TPR: variants seen among roughly 807,000 people sequenced by gnomAD.
TPR encodes the protein nucleoprotein TPR.
A neutral mutation model predicts 316.1 loss-of-function variants in TPR; 51 were observed. The observed-to-expected ratio is 0.16, with a 90% CI of 0.13 to 0.20. TPR has a LOEUF of 0.20. Among genes scored for constraint, TPR ranks in the 10% least tolerant of loss-of-function variants. The probability of loss-of-function intolerance (pLI) is 1.00; values close to 1 mark genes in which losing one functional copy is unlikely to be tolerated. For missense variants in TPR, 2,272 were observed against 2,754.8 expected (o/e 0.82, Z 3.92); for synonymous variants, 981 against 914.7 (o/e 1.07, Z -1.31).
Position 186,347,305 on chromosome 1 carries a change from T to C in TPR, c.2930A>G (p.Asn977Ser). ...AATTATACATACCTGTTTTTCCTTG[T>C]TCAGGGATTCTTCTAAACTAGTAAC... Reference protein sequence around the residue: ...AMVTSLEESLNKEKQVTEEVR... With the variant: ...AMVTSLEESLSKEKQVTEEVR... Residue 977 changes from asparagine to serine, a missense_variant, in exon 22 of 51, where the codon AAC becomes AGC. By Grantham distance (46) the Asn-to-Ser change is conservative. Around this residue, in one of 10 missense-constraint regions of TPR, gnomAD observed 757 missense variants for 859.8 expected, o/e 0.88. Transcript: ENST00000367478. 5.6e-6 allele frequency: 9 copies of C among 1,613,648 alleles called. No individual in the cohort carries two copies. Among genetic ancestry groups the C allele is most frequent in the Non-Finnish European group, 7.6e-6 (9 of 1,179,808 alleles).
At chr1:186,314,225 T>C (rs1029793365) in intron 50 of TPR, 199 bp from the exon 51 acceptor site, 2 of 505,530 alleles carry the variant, frequency 4.0e-6, no homozygotes, top group African/African-American at 1.9e-5. Flanking sequence ...AAAGTTATAT[T>C]GGAAAACATG....
chr1:186,332,873 AAT>A (rs1221818657), intron 37 of TPR, among the ~76,000 whole-genome samples: 1 of 152,136 alleles, frequency 6.6e-6, no homozygotes, highest in East Asian at 1.9e-4. Flanking sequence ...ACTGATTTAA[AAT>A]AGTCATATTC....
intron 15 of TPR, 44 bp downstream of exon 15, chr1:186,356,242 T>A (rs762951046): frequency 6.6e-7 from 1 of 1,509,732 alleles, no homozygotes; most frequent in East Asian, 2.5e-5. Context: ...TCCCTTAATA[T>A]ACATTTCTAA....
At chr1:186,326,343 T>C (rs567247476) in intron 40 of TPR, 108 bp from the exon 41 acceptor site, 10 of 1,490,720 alleles carry the variant, frequency 6.7e-6, no homozygotes, top group East Asian at 2.5e-5. Context: ...AATCAGAAGA[T>C]AGGAATTGTC....
Position 186,360,359 on chromosome 1 carries a change from T to C in TPR, c.1105A>G (p.Ile369Val), listed in dbSNP as rs1571633308. 1.2e-6 allele frequency: 2 copies of C among 1,613,172 alleles called. No individual in the cohort carries two copies. The highest frequency in any genetic ancestry group is 1.1e-5 in the South Asian group (1 of 91,016). Residue 369 changes from isoleucine to valine, a missense_variant, in exon 11 of 51, where the codon ATA becomes GTA. Physicochemically the swap from Ile to Val is conservative, Grantham distance 29. Coordinates refer to ENST00000367478, the MANE Select transcript of TPR (RefSeq NM_003292.3). ...LLSATKRKGA[I>V]LSEEELAAMS... ...GCGGCAAGCTCTTCTTCAGACAATA[T>C]GGCTCCTGTGCCAACAAATACACAT...
In TPR at chr1:186,373,272, G is replaced by A; in HGVS notation, c.256+87C>T. ...TGCTTAATCAATATTTTCATGTTTA[G>A]TAAGCAAATGTTTCCAAAGTATATA... On this transcript the variant is annotated intron_variant, in intron 2 of 50. Transcript: ENST00000367478. 6.3e-6 allele frequency: 5 copies of A among 797,814 alleles called. No individual in the cohort carries two copies. In the South Asian group the frequency reaches 1.2e-4, roughly 20 times the overall value. The allele number at this position is 797,814 out of a possible 1,614,324, so 49.4% of individuals were successfully genotyped here. A position where few individuals can be genotyped will look rare whatever the true frequency, so the allele number is the denominator to read the frequency against.
Position 186,323,793 on chromosome 1 carries a change from C to T in TPR, c.6190G>A (p.Glu2064Lys). 3.2e-6 allele frequency: 5 copies of T among 1,552,360 alleles called. No homozygotes were observed. Among genetic ancestry groups the T allele is most frequent in the Non-Finnish European group, 3.5e-6 (4 of 1,158,152 alleles). ...TGAGGTGCTCGAGGGGCCTGTCTTT[C>T]AGATGCTGATGATGGCTGTTGTTCT... is the stretch of plus-strand genomic sequence containing the variant. ...SREQQPSSAS[E>K]RQAPRAPQSP... The change falls in exon 43 of 51, where the codon GAA becomes AAA. Residue 2064 changes from glutamate (E) to lysine (K), a missense_variant. Glu to Lys is a moderately conservative substitution (Grantham distance 56). Around this residue, in one of 10 missense-constraint regions of TPR, gnomAD observed 435 missense variants for 461.1 expected, o/e 0.94. Transcript: ENST00000367478.
At chr1:186,354,470 A>G (rs1658963081) in intron 17 of TPR, among the ~76,000 whole-genome samples, 1 of 152,174 alleles carries the variant, frequency 6.6e-6, no homozygotes, top group Admixed American at 6.5e-5. Flanking sequence ...GAAAGCTGAC[A>G]TAATGGCTGG....
At chr1:186,356,505 A>G in intron 14 of TPR, 56 bp from the exon 15 acceptor site, 1 of 1,488,976 alleles carries the variant, frequency 6.7e-7, no homozygotes, top group South Asian at 1.3e-5. Context: ...ACTGATTGTA[A>G]TTTCTACTGT....
intron 20 of TPR, 26 bp from the exon 21 acceptor site, chr1:186,350,414 A>G (rs369012670): frequency 6.7e-7 from 1 of 1,500,960 alleles, no homozygotes; most frequent in Non-Finnish European, 9.0e-7. Context: ...ATCTTATAAC[A>G]TTCTTTAGGT....
Position 186,337,726 on chromosome 1 carries a change from T to C in TPR, c.4362+307A>G, listed in dbSNP as rs184528969. Among the ~76,000 whole-genome samples the C allele has an allele frequency of 1.2e-3, 183 of 152,150 alleles. 1 individual carries two copies. The highest frequency in any genetic ancestry group is 4.2e-3 in the African/African-American group (174 of 41,560). On this transcript the variant is annotated intron_variant, in intron 31 of 50. Coordinates refer to ENST00000367478, the MANE Select transcript of TPR (RefSeq NM_003292.3). ...TTAACATAAACAATTTATTTAAAAC[T>C]ATACAAAACCAGATTAGTCATCATT...
At chr1:186,317,924 A>T (rs1657658234) in intron 48 of TPR, among the ~76,000 whole-genome samples, 1 of 152,212 alleles carries the variant, frequency 6.6e-6, no homozygotes, top group Non-Finnish European at 1.5e-5. Flanking sequence ...GATAAATCTC[A>T]AAACAACATT....
chr1:186,334,397 C>T lies in TPR; in HGVS notation c.5110G>A (p.Ala1704Thr), dbSNP rs2102066383. ...RASIRPMVTPATVTNPTTTPT... is the reference protein window; with the variant it reads ...RASIRPMVTPTTVTNPTTTPT... ...GTAGTAGTGGGATTTGTAACAGTTG[C>T]AGGTGTAACCATTGGGCGGATACTA... Residue 1704 changes from alanine (A) to threonine (T), a missense_variant, in exon 36 of 51, where the codon GCA becomes ACA. By Grantham distance (58) the Ala-to-Thr change is moderately conservative. Coordinates refer to ENST00000367478, the MANE Select transcript of TPR (RefSeq NM_003292.3). The T allele has an allele frequency of 1.2e-6, 2 of 1,613,566 alleles. No individual in the cohort carries two copies. Among genetic ancestry groups the T allele is most frequent in the Non-Finnish European group, 1.7e-6 (2 of 1,179,712 alleles).
At chr1:186,339,862 T>C (rs2102071203) in intron 29 of TPR, 90 bp from the exon 30 acceptor site, 1 of 1,093,104 alleles carries the variant, frequency 9.1e-7, no homozygotes, top group Non-Finnish European at 1.3e-6. Context: ...ATTATGTTTA[T>C]ATTAGGTGTC....
chr1:186,329,836 A>C (rs1658106224), intron 39 of TPR, among the ~76,000 whole-genome samples: 1 of 152,188 alleles, frequency 6.6e-6, no homozygotes, highest in African/African-American at 2.4e-5. Context: ...ATTTTACATG[A>C]TAAAATAATT....
chr1:186,372,676 A>C (rs1659571749), intron 2 of TPR, among the ~76,000 whole-genome samples: 1 of 152,244 alleles, frequency 6.6e-6, no homozygotes, highest in Admixed American at 6.5e-5. Flanking sequence ...CTGATCTCGG[A>C]AGCTAAGCAG....
intron 17 of TPR, among the ~76,000 whole-genome samples, chr1:186,354,508 G>T (rs1350524351): frequency 3.3e-5 from 5 of 152,098 alleles, no homozygotes; most frequent in Non-Finnish European, 5.9e-5. Flanking sequence ...GAAAAAAGAA[G>T]TGCTTTAATT....
chr1:186,317,821 A>G (rs1258256855), intron 48 of TPR, among the ~76,000 whole-genome samples: 1 of 152,204 alleles, frequency 6.6e-6, no homozygotes, highest in Non-Finnish European at 1.5e-5. Context: ...GACATGTTCC[A>G]ATTTTAGTTT....
In TPR at chr1:186,313,469, A is replaced by G; in HGVS notation, c.*502T>C. The G allele has an allele frequency of 2.0e-6, 1 of 512,056 alleles. No homozygotes were observed. Among genetic ancestry groups the G allele is most frequent in the Non-Finnish European group, 3.5e-6 (1 of 288,784 alleles). 31.7% of individuals were successfully genotyped at this position (512,056 alleles called of 1,614,324 possible). ...GAGAGCTGAACCTGATTTTACAAAA[A>G]GATGGTGAAATGTCAATCTTTTGAA... On this transcript the variant is annotated 3_prime_UTR_variant, in exon 51 of 51. Coordinates refer to ENST00000367478, the MANE Select transcript of TPR (RefSeq NM_003292.3).
Sources: gnomAD v4.1 joint callset for allele counts (sites outside exome capture counted in the v4.1 genomes callset) on GRCh38, gnomAD v4.1.1 for gene constraint, gnomAD v4.1.1 regional missense constraint, MANE v1.5 for transcripts, NCBI Gene and HGNC (gene_info 2026-07-23, HGNC 2026-07-21) for gene names.